The following SRPK1 variants were observed in gnomAD, a reference collection of about 807,000 sequenced individuals.
SRPK1 encodes the protein SRSF protein kinase 1.
In SRPK1, 52 loss-of-function variants were observed where a neutral mutation model predicts 89.5. The observed-to-expected ratio is 0.58, with a 90% CI of 0.46 to 0.73. SRPK1 has a LOEUF of 0.73. SRPK1 is among the 30% of genes least tolerant of loss of function. The probability of loss-of-function intolerance (pLI) is 0.00; values close to 1 mark genes in which losing one functional copy is unlikely to be tolerated. For synonymous variants in SRPK1, 255 were observed against 270.2 expected (o/e 0.94, Z 0.55); for missense variants, 603 against 780.6 (o/e 0.77, Z 2.71).
rs10692371 is a variant in SRPK1 at position 35,916,242 on chromosome 6, AAATT to A, written c.74+4222_74+4225del. 4.2e-3 allele frequency among the ~76,000 whole-genome samples: 629 copies of A among 148,108 alleles called. 5 individuals are homozygous for A. The highest frequency in any genetic ancestry group is 0.016 in the South Asian group (74 of 4,736). Reference sequence around the variant, plus strand: ...CTCTGCCTCAAATAAATAAATAAATAAATTAATTAATTAATTAATTAAATTATGG... The same window carrying A: ...CTCTGCCTCAAATAAATAAATAAATAAATTAATTAATTAATTAAATTATGG... On this transcript the variant is annotated intron_variant, in intron 2 of 15. Coordinates refer to ENST00000373825, the MANE Select transcript of SRPK1 (RefSeq NM_003137.5).
intron 2 of SRPK1, among the ~76,000 whole-genome samples, chr6:35,902,462 A>G (rs953183505): frequency 6.6e-6 from 1 of 152,102 alleles, no homozygotes; most frequent in African/African-American, 2.4e-5. Context: ...AAAAAGTCAC[A>G]TAAAAGACAA....
At chr6:35,868,421 C>T (rs1008459228) in intron 12 of SRPK1, among the ~76,000 whole-genome samples, 1 of 152,132 alleles carries the variant, frequency 6.6e-6, no homozygotes, top group Admixed American at 6.6e-5. Flanking sequence ...TTAAAAATCA[C>T]AGAACTTCTG....
intron 2 of SRPK1, among the ~76,000 whole-genome samples, chr6:35,916,603 T>G (rs2127271723): frequency 6.6e-6 from 1 of 152,318 alleles, no homozygotes; most frequent in South Asian, 2.1e-4. Context: ...AAATCAGTGT[T>G]AGAGCTGAAT....
intron 2 of SRPK1, among the ~76,000 whole-genome samples, chr6:35,917,885 C>T (rs1041365817): frequency 6.6e-6 from 1 of 152,198 alleles, no homozygotes; most frequent in Admixed American, 6.5e-5. Flanking sequence ...CCTTAACTAA[C>T]TTGTCTAAGG....
At chr6:35,855,538 T>C (rs942141759) in intron 13 of SRPK1, among the ~76,000 whole-genome samples, 1 of 152,172 alleles carries the variant, frequency 6.6e-6, no homozygotes, top group Non-Finnish European at 1.5e-5. Context: ...GAGAGCATAA[T>C]ATGTTTCTGT....
At chr6:35,908,613 AT>A (rs1192671374) in intron 2 of SRPK1, among the ~76,000 whole-genome samples, 1 of 152,246 alleles carries the variant, frequency 6.6e-6, no homozygotes, top group East Asian at 1.9e-4. Context: ...ATTGGGACTT[AT>A]GTTTAAAAGT....
At position 35,833,585 on chromosome 6, in the gene SRPK1, G is replaced by A. The variant is rs1769108778; in HGVS notation, c.*1719C>T. 6.6e-6 allele frequency: 1 copy of A among 152,642 alleles called. No individual in the cohort carries two copies. 9.5% of individuals were successfully genotyped at this position (152,642 alleles called of 1,614,324 possible). ...TTGATTCTTGATAGGTGCATAGAAA[G>A]CCTAACTTAAAATTCTTTCTACAGG... On this transcript the variant is annotated 3_prime_UTR_variant, in exon 16 of 16. Coordinates refer to ENST00000373825, the MANE Select transcript of SRPK1 (RefSeq NM_003137.5).
chr6:35,882,161 T>TAGTAGTAGCAGCAGC (rs1480474645), intron 6 of SRPK1, among the ~76,000 whole-genome samples: 2 of 118,392 alleles, frequency 1.7e-5, no homozygotes, highest in Admixed American at 8.3e-5. Context: ...GTAGTAGTAG[T>TAGTAGTAGCAGCAGC]AGCAGCAGCA....
At chr6:35,872,893 T>A (rs1232082444) in intron 7 of SRPK1, among the ~76,000 whole-genome samples, 165 bp from the exon 8 acceptor site, 5 of 151,986 alleles carry the variant, frequency 3.3e-5, no homozygotes, top group African/African-American at 1.2e-4. Context: ...CTCAGAAAGA[T>A]TAAACTATGA....
intron 13 of SRPK1, among the ~76,000 whole-genome samples, chr6:35,854,583 G>C (rs565627110): frequency 2.3e-4 from 35 of 152,262 alleles, no homozygotes; most frequent in African/African-American, 8.2e-4. Flanking sequence ...ACATGTGAGT[G>C]GGTCCAGAAC....
At chr6:35,902,640 G>C (rs1485667380) in intron 2 of SRPK1, among the ~76,000 whole-genome samples, 1 of 152,128 alleles carries the variant, frequency 6.6e-6, no homozygotes, top group Non-Finnish European at 1.5e-5. Context: ...AACTGTCCAT[G>C]TTCACCTAAC....
intron 2 of SRPK1, among the ~76,000 whole-genome samples, chr6:35,906,737 C>A (rs983679925): frequency 2.6e-5 from 4 of 152,112 alleles, no homozygotes; most frequent in Non-Finnish European, 5.9e-5. Context: ...TAAATTTACA[C>A]TGCAGTGATG....
At chr6:35,875,254 C>CTT (rs753490683) in intron 6 of SRPK1, among the ~76,000 whole-genome samples, 9 of 136,966 alleles carry the variant, frequency 6.6e-5, no homozygotes, top group Admixed American at 1.5e-4. Context: ...ATGGAGACTT[C>CTT]TTTTTTTTTT....
chr6:35,872,633 G>A lies in SRPK1; in HGVS notation c.681C>T (p.Tyr227=). 4 of 1,612,514 alleles carry A rather than the reference G, an allele frequency of 2.5e-6. No individual in the cohort carries two copies. The highest frequency in any genetic ancestry group is 3.4e-6 in the Non-Finnish European group (4 of 1,179,284). Residue 227 remains tyrosine, a synonymous_variant, in exon 8 of 16, where the codon TAC becomes TAT. Transcript: ENST00000373825. ...TTGCTTCTGCAGCCAGCCTCCGAAT[G>A]TACTGCTCATTCACTGACAATAAGA... ...ENILLSVNEQ[Y]IRRLAAEATE...
intron 2 of SRPK1, among the ~76,000 whole-genome samples, chr6:35,909,696 G>A (rs887526744): frequency 1.1e-4 from 16 of 152,184 alleles, no homozygotes; most frequent in Non-Finnish European, 2.4e-4. Flanking sequence ...CAGATCATGG[G>A]GGTGGCTCCC....
chr6:35,844,268 G>A (rs879502041), intron 13 of SRPK1, among the ~76,000 whole-genome samples: 1 of 152,134 alleles, frequency 6.6e-6, no homozygotes, highest in Admixed American at 6.5e-5. Context: ...CTCCCAAAGT[G>A]CTGGGATCAC....
At chr6:35,912,638 A>G (rs1770994691) in intron 2 of SRPK1, among the ~76,000 whole-genome samples, 1 of 152,252 alleles carries the variant, frequency 6.6e-6, no homozygotes, top group Non-Finnish European at 1.5e-5. Flanking sequence ...GTAATACTTT[A>G]GCCAATTTAA....
At chr6:35,850,714 A>G (rs1054992345) in intron 13 of SRPK1, among the ~76,000 whole-genome samples, 1 of 152,208 alleles carries the variant, frequency 6.6e-6, no homozygotes, top group Non-Finnish European at 1.5e-5. Context: ...AATCATAGAC[A>G]ATTTCTCTGC....
Position 35,838,387 on chromosome 6 carries a change from C to T in SRPK1, c.1733G>A (p.Arg578His), listed in dbSNP as rs753918775. ...LIIELLGKVP[R>H]KLIVAGKYSK... The stretch of plus-strand genomic sequence containing the variant: ...ATATTTTCCTGCCACAATGAGCTTG[C>T]GAGGCACCTTCCCCAGAAGTTCTAT... The change falls in exon 15 of 16, where the codon CGC becomes CAC. Residue 578 changes from arginine to histidine, a missense_variant. Arg to His is a conservative substitution (Grantham distance 29, BLOSUM62 0). Coordinates refer to ENST00000373825, the MANE Select transcript of SRPK1 (RefSeq NM_003137.5). The T allele has an allele frequency of 1.3e-5, 21 of 1,581,030 alleles. No individual in the cohort carries two copies. The highest frequency in any genetic ancestry group is 1.1e-4 in the East Asian group (5 of 44,170).
Sources: gnomAD v4.1 joint callset for allele counts (sites outside exome capture counted in the v4.1 genomes callset) on GRCh38, gnomAD v4.1.1 for gene constraint, MANE v1.5 for transcripts, NCBI Gene and HGNC (gene_info 2026-07-23, HGNC 2026-07-21) for gene names.